LIPA: variants seen among roughly 807,000 people sequenced by gnomAD.
The protein encoded by LIPA is lipase A, lysosomal acid type, also known as lysosomal acid lipase/cholesteryl ester hydrolase.
Under a neutral mutation model 40.6 loss-of-function variants are expected in LIPA, and 26 were observed. The observed-to-expected ratio is 0.64, with a 90% CI of 0.47 to 0.89. The LOEUF is 0.89. LIPA is among the 40% of genes least tolerant of loss of function. The pLI is 0.00. For missense variants in LIPA, 455 were observed against 479.6 expected, an observed-to-expected ratio of 0.95 and a Z score of 0.48; for synonymous variants, 188 against 168.4, an observed-to-expected ratio of 1.12 and a Z score of -0.90.
intron 1 of LIPA, among the ~76,000 whole-genome samples, chr10:89,271,811 C>T (rs1054590905): frequency 6.6e-6 from 1 of 151,804 alleles, no homozygotes; most frequent in African/African-American, 2.4e-5. Context: ...CTTGTAATCC[C>T]AACAGTTTGG....
intron 2 of LIPA, among the ~76,000 whole-genome samples, chr10:89,390,744 G>A (rs755743879): frequency 3.3e-5 from 5 of 152,260 alleles, no homozygotes; most frequent in Admixed American, 6.5e-5. Flanking sequence ...CCATAGCCCC[G>A]TAGAACCAAG....
chr10:89,296,489 C>CAAAA (rs750487920), intron 1 of LIPA, among the ~76,000 whole-genome samples: 5 of 102,820 alleles, frequency 4.9e-5, no homozygotes, highest in Admixed American at 2.0e-4. Flanking sequence ...GAGACTGTCT[C>CAAAA]AAAAAAAAAA....
chr10:89,332,486 T>G, intron 1 of LIPA: 1 of 1,551,108 alleles, frequency 6.4e-7, no homozygotes, highest in Non-Finnish European at 8.7e-7. Context: ...AGTTTCACTT[T>G]CCTTTCCCCT....
At chr10:89,228,136 A>G in intron 4 of LIPA, 64 bp downstream of exon 4, 1 of 1,367,662 alleles carries the variant, frequency 7.3e-7, no homozygotes, top group South Asian at 1.2e-5. Flanking sequence ...TTCTGCTGGA[A>G]GCCTGTTGTC....
intron 1 of LIPA, among the ~76,000 whole-genome samples, chr10:89,324,353 C>T (rs1244257703): frequency 6.6e-6 from 1 of 152,126 alleles, no homozygotes; most frequent in African/African-American, 2.4e-5. Flanking sequence ...GGACCCCTTC[C>T]TTACATCATA....
chr10:89,243,419 C>A (rs1842986559), intron 3 of LIPA, among the ~76,000 whole-genome samples: 1 of 152,166 alleles, frequency 6.6e-6, no homozygotes, highest in Admixed American at 6.5e-5. Flanking sequence ...CAGGGAGGGC[C>A]TCTCAGAATA....
chr10:89,300,726 C>A (rs1435884483), intron 1 of LIPA, among the ~76,000 whole-genome samples: 1 of 152,202 alleles, frequency 6.6e-6, no homozygotes, highest in East Asian at 1.9e-4. Context: ...GTGGCTCACG[C>A]CTGTAATCCC....
intron 1 of LIPA, chr10:89,339,376 A>G (rs1012702621): frequency 1.2e-6 from 2 of 1,614,036 alleles, no homozygotes; most frequent in Non-Finnish European, 1.7e-6. Context: ...TCCTTGCCAA[A>G]CAGATGTCCT....
chr10:89,357,225 T>C (rs1240764936), intron 2 of LIPA, among the ~76,000 whole-genome samples: 1 of 152,172 alleles, frequency 6.6e-6, no homozygotes, highest in East Asian at 1.9e-4. Flanking sequence ...ACCATAGCAG[T>C]GCTATTTACA....
intron 1 of LIPA, among the ~76,000 whole-genome samples, chr10:89,333,511 G>C (rs1045940842): frequency 1.3e-5 from 2 of 152,114 alleles, no homozygotes; most frequent in Non-Finnish European, 2.9e-5. Flanking sequence ...AGAGGCAGGA[G>C]GGGGGAGGGG....
upstream of LIPA, among the ~76,000 whole-genome samples, chr10:89,256,031 C>T (rs1466641620): frequency 6.6e-6 from 1 of 152,172 alleles, no homozygotes; most frequent in Non-Finnish European, 1.5e-5. Flanking sequence ...CTACTCATGG[C>T]CAAGAAAGAG....
At chr10:89,236,766 G>T (rs1319717089) in intron 3 of LIPA, among the ~76,000 whole-genome samples, 1 of 152,146 alleles carries the variant, frequency 6.6e-6, no homozygotes, top group Non-Finnish European at 1.5e-5. Flanking sequence ...TATTGAAAAT[G>T]CAGCTTTTAT....
At chr10:89,379,890 C>A (rs528896312) in intron 2 of LIPA, among the ~76,000 whole-genome samples, 5 of 152,160 alleles carry the variant, frequency 3.3e-5, no homozygotes, top group African/African-American at 1.2e-4. Flanking sequence ...AAAAAATTAG[C>A]CGGGAGTGGT....
chr10:89,387,860 G>A (rs1844220993), intron 2 of LIPA, among the ~76,000 whole-genome samples: 1 of 152,108 alleles, frequency 6.6e-6, no homozygotes, highest in South Asian at 2.1e-4. Context: ...TTATACAAGT[G>A]TTCATTGTAA....
At position 89,413,849 on chromosome 10, in the gene LIPA, ATAAGGG is replaced by A. The variant is rs1400196459; in HGVS notation, c.-72+552_-72+557del. ...GGTTTTGAATACAGACATTAACTCA[ATAAGGG>A]TAAGGCCCGTGTCTGTTTTCTTTAT... On this transcript the variant is annotated intron_variant, in intron 1 of 8. Coordinates refer to the LIPA transcript ENST00000371837. Among the ~76,000 whole-genome samples, 9 of 152,296 alleles carry A rather than the reference ATAAGGG, an allele frequency of 5.9e-5. 1 individual carries two copies. Among genetic ancestry groups the A allele is most frequent in the Middle Eastern group, 3.4e-3 (1 of 294 alleles).
chr10:89,255,715 T>C (rs1843177282), upstream of LIPA, among the ~76,000 whole-genome samples: 1 of 152,174 alleles, frequency 6.6e-6, no homozygotes, highest in African/African-American at 2.4e-5. Context: ...GCCATGAATT[T>C]GAATGGACAA....
At chr10:89,400,153 T>A (rs304485) in intron 2 of LIPA, among the ~76,000 whole-genome samples, 96,652 of 152,118 alleles carry the variant, frequency 0.64, 32,851 homozygotes, top group African/African-American at 0.88. Context: ...CTTTATACCA[T>A]TGTTGTAATA....
intron 1 of LIPA, among the ~76,000 whole-genome samples, chr10:89,276,096 T>A (rs1537290): frequency 0.74 from 112,251 of 152,154 alleles, 42,539 homozygotes; most frequent in East Asian, 0.97. Context: ...TAGGGCTGGG[T>A]CTAGATAGGT....
In LIPA at chr10:89,332,406, G is replaced by A. The variant is rs139036342; in HGVS notation, c.-2+10205C>T. 9.6e-4 allele frequency: 1,087 copies of A among 1,133,964 alleles called. 9 individuals are homozygous for A. The African/African-American group carries it at 0.011, about 12-fold the overall frequency. 70.2% of individuals were successfully genotyped at this position (1,133,964 alleles called of 1,614,324 possible). A position where few individuals can be genotyped will look rare whatever the true frequency, so the allele number is the denominator to read the frequency against. Reference sequence around the variant, plus strand: ...AATCTGTCTGGAACATGTTCCTGGCGTGAGTGAGCTCAGTTCTCACAGATT... The same window carrying A: ...AATCTGTCTGGAACATGTTCCTGGCATGAGTGAGCTCAGTTCTCACAGATT... On this transcript the variant is annotated intron_variant, in intron 1 of 5. Transcript: ENST00000282673.
Sources: gnomAD v4.1 joint callset for allele counts (sites outside exome capture counted in the v4.1 genomes callset) on GRCh38, gnomAD v4.1.1 for gene constraint, MANE v1.5 for transcripts, NCBI Gene and HGNC (gene_info 2026-07-23, HGNC 2026-07-21) for gene names.